FUT9: variants seen among roughly 807,000 people sequenced by gnomAD.
FUT9 encodes 4-galactosyl-N-acetylglucosaminide 3-alpha-L-fucosyltransferase 9.
A neutral mutation model predicts 29.7 loss-of-function variants in FUT9; 15 were observed. The observed-to-expected ratio is 0.51, with a 90% CI of 0.34 to 0.78. FUT9 has a LOEUF of 0.78. Ranked by LOEUF, FUT9 falls within the 30% of genes least tolerant of loss-of-function variation. The probability of loss-of-function intolerance (pLI) is 0.01; values close to 1 mark genes in which losing one functional copy is unlikely to be tolerated. For synonymous variants in FUT9, 169 were observed against 153.7 expected (o/e 1.10, Z -0.74); for missense variants, 319 against 425.4 (o/e 0.75, Z 2.20).
At chr6:96,202,952 T>G (rs1462199798) in intron 2 of FUT9, among the ~76,000 whole-genome samples, 196 bp from the exon 3 acceptor site, 1 of 152,210 alleles carries the variant, frequency 6.6e-6, no homozygotes, top group African/African-American at 2.4e-5. Flanking sequence ...TTTGGGAAAC[T>G]TCCTTTTGAA....
In FUT9 at chr6:96,074,226, T is replaced by G. The variant is rs1366329270; in HGVS notation, c.-97-39813T>G. On this transcript the variant is annotated intron_variant, in intron 1 of 2. Coordinates refer to ENST00000302103, the MANE Select transcript of FUT9 (RefSeq NM_006581.4). ...GCCTGCCTGGCAGCTGCACGTGGCC[T>G]ATTAGCACAGCCGTTTACATAAAAT... Among the ~76,000 whole-genome samples the G allele has an allele frequency of 3.9e-5, 6 of 152,170 alleles. No individual in the cohort carries two copies. In the East Asian group the frequency reaches 1.2e-3, roughly 29 times the overall value.
At chr6:96,114,558 T>G (rs1285662540) in intron 2 of FUT9, among the ~76,000 whole-genome samples, 1 of 151,368 alleles carries the variant, frequency 6.6e-6, no homozygotes, top group Non-Finnish European at 1.5e-5. Flanking sequence ...GGGTTTTAAT[T>G]TGGGGTAGAT....
chr6:96,094,581 A>T (rs1771464624), intron 1 of FUT9, among the ~76,000 whole-genome samples: 1 of 152,162 alleles, frequency 6.6e-6, no homozygotes, highest in African/African-American at 2.4e-5. Flanking sequence ...GGTTGGTACT[A>T]TCAGTGGTTT....
chr6:96,155,405 C>T (rs78783515), intron 2 of FUT9, among the ~76,000 whole-genome samples: 1 of 152,028 alleles, frequency 6.6e-6, no homozygotes, highest in Non-Finnish European at 1.5e-5. Context: ...AAAATAAGGC[C>T]TTTAGTGTTT....
chr6:96,060,375 T>C (rs1770851809), intron 1 of FUT9, among the ~76,000 whole-genome samples: 1 of 152,232 alleles, frequency 6.6e-6, no homozygotes, highest in African/African-American at 2.4e-5. Flanking sequence ...AAAACATTTA[T>C]AACCATTAAA....
intron 1 of FUT9, among the ~76,000 whole-genome samples, chr6:96,067,077 T>C (rs71560381): frequency 1.7e-4 from 26 of 151,718 alleles, no homozygotes; most frequent in Non-Finnish European, 2.7e-4. Context: ...TATAGATCAA[T>C]AAGGCATGAC....
intron 2 of FUT9, among the ~76,000 whole-genome samples, chr6:96,193,253 A>G: frequency 7.3e-6 from 1 of 136,866 alleles, no homozygotes; most frequent in Non-Finnish European, 1.6e-5. Context: ...AACTACCATC[A>G]GAGTGAACAG....
intron 2 of FUT9, among the ~76,000 whole-genome samples, chr6:96,124,313 G>A (rs772975860): frequency 2.0e-5 from 3 of 151,082 alleles, no homozygotes; most frequent in Admixed American, 6.6e-5. Context: ...CACCACGACC[G>A]GCTAATTTTT....
chr6:96,140,052 C>G (rs756396387), intron 2 of FUT9, among the ~76,000 whole-genome samples: 1 of 152,184 alleles, frequency 6.6e-6, no homozygotes, highest in African/African-American at 2.4e-5. Flanking sequence ...TCTACTTCCT[C>G]TTGCATGCTT....
intron 2 of FUT9, among the ~76,000 whole-genome samples, chr6:96,145,648 G>T (rs1772553010): frequency 1.3e-5 from 2 of 152,100 alleles, no homozygotes; most frequent in Admixed American, 1.3e-4. Context: ...GTAAAGATTT[G>T]AATGAAGTGA....
At chr6:96,051,417 G>A (rs1273227835) in intron 1 of FUT9, among the ~76,000 whole-genome samples, 1 of 152,132 alleles carries the variant, frequency 6.6e-6, no homozygotes, top group African/African-American at 2.4e-5. Flanking sequence ...TTTAGAGGCT[G>A]AGGTGAGAGG....
chr6:96,114,200 T>C (rs1396620220), intron 2 of FUT9, 73 bp downstream of exon 2: 1 of 152,138 alleles, frequency 6.6e-6, no homozygotes, highest in Non-Finnish European at 1.5e-5. Flanking sequence ...TTATAGATGA[T>C]TTATATTGTT....
chr6:96,104,803 T>C (rs1026580446), intron 1 of FUT9, among the ~76,000 whole-genome samples: 2 of 152,210 alleles, frequency 1.3e-5, no homozygotes, highest in Non-Finnish European at 2.9e-5. Context: ...GTGCTGGGAT[T>C]ACAGGCATGA....
intron 1 of FUT9, among the ~76,000 whole-genome samples, chr6:96,091,315 A>T (rs968075509): frequency 6.6e-6 from 1 of 152,114 alleles, no homozygotes; most frequent in Non-Finnish European, 1.5e-5. Context: ...ATAAATTAGA[A>T]TATTATTTTC....
intron 2 of FUT9, among the ~76,000 whole-genome samples, chr6:96,115,664 C>A (rs1305993887): frequency 6.6e-6 from 1 of 152,158 alleles, no homozygotes; most frequent in African/African-American, 2.4e-5. Flanking sequence ...TATAATGCTT[C>A]GGTTCTGCTA....
intron 1 of FUT9, among the ~76,000 whole-genome samples, chr6:96,064,529 G>C (rs1026440793): frequency 6.6e-6 from 1 of 152,064 alleles, no homozygotes; most frequent in African/African-American, 2.4e-5. Context: ...TCCCATGGGA[G>C]AACTTGGCAC....
intron 1 of FUT9, among the ~76,000 whole-genome samples, chr6:96,019,985 A>C (rs1056238928): frequency 2.0e-5 from 3 of 152,130 alleles, no homozygotes; most frequent in East Asian, 3.8e-4. Context: ...GTCAGTATTA[A>C]TGTTAAAGAA....
At chr6:96,087,037 C>T (rs571185193) in intron 1 of FUT9, among the ~76,000 whole-genome samples, 19 of 152,190 alleles carry the variant, frequency 1.2e-4, no homozygotes, top group African/African-American at 3.9e-4. Flanking sequence ...ACAAACGTTA[C>T]GCATATGGGT....
chr6:96,119,792 A>C (rs910768798), intron 2 of FUT9, among the ~76,000 whole-genome samples: 2 of 152,208 alleles, frequency 1.3e-5, no homozygotes, highest in Non-Finnish European at 2.9e-5. Context: ...CTAATCAATA[A>C]ATCAAGCTTT....
Sources: gnomAD v4.1 joint callset for allele counts (sites outside exome capture counted in the v4.1 genomes callset) on GRCh38, gnomAD v4.1.1 for gene constraint, MANE v1.5 for transcripts, NCBI Gene and HGNC (gene_info 2026-07-23, HGNC 2026-07-21) for gene names.